ST3GAL1: variants seen among roughly 807,000 people sequenced by gnomAD.
The protein encoded by ST3GAL1 is ST3 beta-galactoside alpha-2,3-sialyltransferase 1.
A neutral mutation model predicts 34.1 loss-of-function variants in ST3GAL1; 16 were observed. That is an observed-to-expected ratio of 0.47 (90% CI 0.32 to 0.71). ST3GAL1 has a LOEUF of 0.71. Ranked by LOEUF, ST3GAL1 falls within the 30% of genes least tolerant of loss-of-function variation. ST3GAL1 has a pLI of 0.04. For missense variants in ST3GAL1, 353 were observed against 447.4 expected (o/e 0.79, Z 1.90); for synonymous variants, 191 against 184.7 (o/e 1.03, Z -0.28).
intron 2 of ST3GAL1, among the ~76,000 whole-genome samples, chr8:133,522,780 A>T (rs1817850666): frequency 6.6e-6 from 1 of 152,198 alleles, no homozygotes; most frequent in African/African-American, 2.4e-5. Context: ...CTAAATGGAC[A>T]CACTAATTAC....
chr8:133,486,635 C>T (rs1414450169), intron 3 of ST3GAL1, among the ~76,000 whole-genome samples: 2 of 152,166 alleles, frequency 1.3e-5, no homozygotes, highest in Admixed American at 6.5e-5. Flanking sequence ...TGACAAGCTC[C>T]CTGTCAATGG....
At position 133,455,938 on chromosome 8, in the gene ST3GAL1, C is replaced by G. The variant is rs981498748; in HGVS notation, c.*3826G>C. The stretch of plus-strand genomic sequence containing the variant: ...CTCTAGCACCACCTTCTGGCCACAG[C>G]AGAGAATGGGATTCCATCAAAGCCT... On this transcript the variant is annotated 3_prime_UTR_variant, in exon 10 of 10. Coordinates refer to ENST00000522652, the MANE Select transcript of ST3GAL1 (RefSeq NM_173344.3). The G allele has an allele frequency of 1.3e-5, 2 of 152,220 alleles. No individual in the cohort carries two copies. Among genetic ancestry groups the G allele is most frequent in the Admixed American group, 6.5e-5 (1 of 15,286 alleles). 9.4% of individuals were successfully genotyped at this position (152,220 alleles called of 1,614,324 possible).
intron 2 of ST3GAL1, among the ~76,000 whole-genome samples, chr8:133,509,383 C>T (rs1429302833): frequency 8.5e-5 from 13 of 152,234 alleles, no homozygotes; most frequent in Admixed American, 8.5e-4. Flanking sequence ...ACGTGGGTTC[C>T]ACCCTTGTGT....
chr8:133,543,646 G>A (rs1322747014), intron 2 of ST3GAL1, among the ~76,000 whole-genome samples: 1 of 151,920 alleles, frequency 6.6e-6, no homozygotes, highest in Non-Finnish European at 1.5e-5. Context: ...TCATGAGATT[G>A]AGAAAAAAAT....
At position 133,545,441 on chromosome 8, in the gene ST3GAL1, T is replaced by C. The variant is rs78245421; in HGVS notation, c.-429+333A>G. ...CACACCAGAGTGTCATGCCAGGCCT[T>C]CGTCAGGATGACAGGCCCTTGTCAT... On this transcript the variant is annotated intron_variant, in intron 2 of 9. Coordinates refer to ENST00000522652, the MANE Select transcript of ST3GAL1 (RefSeq NM_173344.3). 0.023 allele frequency among the ~76,000 whole-genome samples: 3,526 copies of C among 152,346 alleles called. 227 individuals are homozygous for C. In the East Asian group the frequency reaches 0.24, roughly 10 times the overall value.
intron 2 of ST3GAL1, among the ~76,000 whole-genome samples, chr8:133,509,932 G>A (rs190548652): frequency 9.2e-5 from 14 of 152,092 alleles, no homozygotes; most frequent in Admixed American, 7.9e-4. Context: ...GGTGGCACAC[G>A]CCTGTATTCC....
intron 2 of ST3GAL1, among the ~76,000 whole-genome samples, chr8:133,541,116 TATATAGAG>T (rs1443434110): frequency 6.2e-5 from 3 of 48,516 alleles, no homozygotes; most frequent in African/African-American, 2.2e-4. Flanking sequence ...TATATATATA[TATATAGAG>T]AGAGAGAGAG....
chr8:133,501,750 AAAAC>A (rs10667124), intron 2 of ST3GAL1, among the ~76,000 whole-genome samples: 1 of 151,138 alleles, frequency 6.6e-6, no homozygotes, highest in African/African-American at 2.4e-5. Flanking sequence ...ACTCCGTCTC[AAAAC>A]AAACAAACAA....
chr8:133,504,810 GAGA>G (rs1206665997), intron 2 of ST3GAL1, among the ~76,000 whole-genome samples: 1 of 152,232 alleles, frequency 6.6e-6, no homozygotes, highest in Non-Finnish European at 1.5e-5. Flanking sequence ...CAAGGCAGAA[GAGA>G]AAAGGAATTC....
At chr8:133,529,979 T>A (rs1246038844) in intron 2 of ST3GAL1, among the ~76,000 whole-genome samples, 2 of 152,168 alleles carry the variant, frequency 1.3e-5, no homozygotes, top group East Asian at 3.9e-4. Flanking sequence ...AAATCTCTTA[T>A]TTGTTAACTT....
intron 2 of ST3GAL1, among the ~76,000 whole-genome samples, chr8:133,541,934 G>A (rs1196668448): frequency 6.6e-6 from 1 of 152,174 alleles, no homozygotes; most frequent in Non-Finnish European, 1.5e-5. Context: ...GCATCATTCA[G>A]ATAGACATGA....
rs532236311 is a variant in ST3GAL1, at chr8:133,535,953, T to C, written c.-429+9821A>G. On this transcript the variant is annotated intron_variant, in intron 2 of 9. Coordinates refer to ENST00000522652, the MANE Select transcript of ST3GAL1 (RefSeq NM_173344.3). ...ACTTGCTCTACTGCAATCCTCACTT[T>C]ATTGCAGTGGCCTGGAACCAAGCCT... Among the ~76,000 whole-genome samples, 3 of 152,330 alleles carry C rather than the reference T, an allele frequency of 2.0e-5. No individual in the cohort carries two copies. The South Asian group carries it at 6.2e-4, about 32-fold the overall frequency.
intron 2 of ST3GAL1, among the ~76,000 whole-genome samples, chr8:133,510,490 A>C (rs1817472686): frequency 6.6e-6 from 1 of 152,186 alleles, no homozygotes; most frequent in Admixed American, 6.5e-5. Context: ...ATGCCGGGCA[A>C]TTCTAAACCT....
At chr8:133,555,105 G>A (rs116920651) in intron 1 of ST3GAL1, among the ~76,000 whole-genome samples, 4,782 of 152,214 alleles carry the variant, frequency 0.031, 120 homozygotes, top group Admixed American at 0.045. Flanking sequence ...GTGTCTGTGC[G>A]GCCTGGGGAG....
At chr8:133,550,149 T>C (rs1818798629) in intron 1 of ST3GAL1, among the ~76,000 whole-genome samples, 1 of 152,156 alleles carries the variant, frequency 6.6e-6, no homozygotes, top group Non-Finnish European at 1.5e-5. Context: ...TCCTTAGACT[T>C]TCCTTGCCTT....
chr8:133,513,165 C>A (rs111944490), intron 2 of ST3GAL1, among the ~76,000 whole-genome samples: 2 of 152,218 alleles, frequency 1.3e-5, no homozygotes, highest in African/African-American at 4.8e-5. Context: ...TGAGGGGACA[C>A]CCCTCTGGAG....
chr8:133,569,552 C>T (rs762694420), intron 1 of ST3GAL1, among the ~76,000 whole-genome samples: 7 of 152,028 alleles, frequency 4.6e-5, no homozygotes, highest in Non-Finnish European at 8.8e-5. Flanking sequence ...GACAGAGAGA[C>T]GGGAGACTAG....
intron 3 of ST3GAL1, among the ~76,000 whole-genome samples, chr8:133,493,810 C>T (rs1816857551): frequency 6.7e-6 from 1 of 150,314 alleles, no homozygotes; most frequent in Admixed American, 6.6e-5. Context: ...CACGCCACTG[C>T]ACTCCAGCCT....
chr8:133,484,486 G>A (rs1400725820), intron 3 of ST3GAL1, among the ~76,000 whole-genome samples: 3 of 152,172 alleles, frequency 2.0e-5, no homozygotes, highest in Admixed American at 2.0e-4. Context: ...TGGGATCAAT[G>A]TCTAAACGTT....
Sources: allele counts gnomAD v4.1 joint callset (sites outside exome capture counted in the v4.1 genomes callset), GRCh38; gene constraint gnomAD v4.1.1; transcripts MANE v1.5; gene names NCBI Gene and HGNC (gene_info 2026-07-23, HGNC 2026-07-21).